Variants in BFSP2 observed in about 807,000 individuals in gnomAD.
The protein encoded by BFSP2 is beaded filament structural protein 2.
BFSP2 carries 38 observed loss-of-function variants against 44.9 expected under a neutral mutation model. That is an observed-to-expected ratio of 0.85 (90% CI 0.65 to 1.11). The LOEUF is 1.11. BFSP2 is among the 50% of genes least tolerant of loss of function. BFSP2 has a pLI of 0.00. For synonymous variants in BFSP2, 197 were observed against 209.9 expected (o/e 0.94, Z 0.53); for missense variants, 525 against 533.0 (o/e 0.99, Z 0.15).
At chr3:133,473,175 G>C (rs1375977955) in intron 6 of BFSP2, among the ~76,000 whole-genome samples, 3 of 151,896 alleles carry the variant, frequency 2.0e-5, no homozygotes, top group Non-Finnish European at 4.4e-5. Context: ...AAGCTCCCAA[G>C]TGATGACTAT....
chr3:133,436,588 A>G (rs1208284774), intron 1 of BFSP2, among the ~76,000 whole-genome samples: 8 of 152,312 alleles, frequency 5.3e-5, no homozygotes, highest in Non-Finnish European at 1.0e-4. Context: ...TGGTACTGTC[A>G]AGACAAAGCA....
chr3:133,424,905 A>C (rs1440278162), intron 1 of BFSP2, among the ~76,000 whole-genome samples: 1 of 152,198 alleles, frequency 6.6e-6, no homozygotes, highest in African/African-American at 2.4e-5. Context: ...AAAGTGCTGG[A>C]TTACAGGCGT....
chr3:133,465,005 T>G (rs1184208033), intron 4 of BFSP2, among the ~76,000 whole-genome samples: 1 of 150,616 alleles, frequency 6.6e-6, no homozygotes, highest in African/African-American at 2.4e-5. Flanking sequence ...GGGTTTCTTT[T>G]TTTTTTTTTT....
intron 1 of BFSP2, among the ~76,000 whole-genome samples, chr3:133,407,660 G>A (rs1379273202): frequency 6.6e-6 from 1 of 152,136 alleles, no homozygotes; most frequent in African/African-American, 2.4e-5. Context: ...AATTAAAATA[G>A]TTTAGCGTTG....
chr3:133,454,672 C>A (rs2073997187), intron 4 of BFSP2, among the ~76,000 whole-genome samples: 1 of 152,112 alleles, frequency 6.6e-6, no homozygotes, highest in Non-Finnish European at 1.5e-5. Context: ...ATATTTTTGC[C>A]AGCTTATTAT....
intron 1 of BFSP2, among the ~76,000 whole-genome samples, chr3:133,403,304 G>A (rs775028485): frequency 3.9e-5 from 6 of 152,118 alleles, no homozygotes; most frequent in Non-Finnish European, 8.8e-5. Context: ...CTGGTGTTCC[G>A]TGCTCCTCAC....
At position 133,424,220 on chromosome 3, in the gene BFSP2, T is replaced by TGTGTG. The variant is rs1553778827; in HGVS notation, c.490-23097_490-23096insGTGTG. Among the ~76,000 whole-genome samples the TGTGTG allele has an allele frequency of 9.1e-3, 570 of 62,830 alleles. 5 individuals carry two copies. The highest frequency in any genetic ancestry group is 0.035 in the East Asian group (55 of 1,552). 41.2% of individuals were successfully genotyped at this position (62,830 alleles called of 152,430 possible). A position where few individuals can be genotyped will look rare whatever the true frequency, so the allele number is the denominator to read the frequency against. On this transcript the variant is annotated intron_variant, in intron 1 of 6. Coordinates refer to ENST00000302334, the MANE Select transcript of BFSP2 (RefSeq NM_003571.4). ...ACCACCGCGTCCAGCTAATTTTTTTTTTTTTTTTTTTTTTTTTTTTTGTAT... is the reference window on the plus strand; with the variant it reads ...ACCACCGCGTCCAGCTAATTTTTTTTGTGTGTTTTTTTTTTTTTTTTTTTTTGTAT...
intron 1 of BFSP2, among the ~76,000 whole-genome samples, chr3:133,434,975 A>T (rs1038706418): frequency 3.3e-5 from 5 of 152,254 alleles, no homozygotes; most frequent in Non-Finnish European, 7.3e-5. Context: ...GCAGCCATTT[A>T]GTTCATCCCT....
chr3:133,427,399 C>T (rs2073663686), intron 1 of BFSP2, among the ~76,000 whole-genome samples: 1 of 152,240 alleles, frequency 6.6e-6, no homozygotes, highest in African/African-American at 2.4e-5. Context: ...TGAAGCTCAG[C>T]AGTGATAAAT....
rs567242010 is a variant in BFSP2, at chr3:133,432,101, G to A, written c.490-15216G>A. Among the ~76,000 whole-genome samples the A allele has an allele frequency of 4.6e-5, 7 of 152,070 alleles. No individual in the cohort carries two copies. The East Asian group carries it at 1.2e-3, about 25-fold the overall frequency. On this transcript the variant is annotated intron_variant, in intron 1 of 6. Transcript: ENST00000302334. ...CCTAATCACCCTTACCCCTCTCAAC[G>A]CCAATGTCCCATCCCACAGCACGCT... is the stretch of plus-strand genomic sequence containing the variant.
At chr3:133,464,761 G>A (rs2074093757) in intron 4 of BFSP2, among the ~76,000 whole-genome samples, 1 of 152,122 alleles carries the variant, frequency 6.6e-6, no homozygotes, top group Non-Finnish European at 1.5e-5. Context: ...ATATGATAAT[G>A]AGTATTATTC....
rs997622495 is a variant in BFSP2, at chr3:133,437,126, T to C, written c.490-10191T>C. 3.9e-5 allele frequency among the ~76,000 whole-genome samples: 6 copies of C among 152,270 alleles called. No homozygotes were observed. The East Asian group carries it at 5.8e-4, about 15-fold the overall frequency. On this transcript the variant is annotated intron_variant, in intron 1 of 6. Transcript: ENST00000302334. The stretch of plus-strand genomic sequence containing the variant: ...AATCCTTTGGGTATATATCCAGTAA[T>C]GGGATGGCTGGGTCAAATGGTATTT...
intron 1 of BFSP2, among the ~76,000 whole-genome samples, chr3:133,442,507 G>A (rs1439929562): frequency 6.6e-6 from 1 of 152,108 alleles, no homozygotes; most frequent in African/African-American, 2.4e-5. Flanking sequence ...ATGATTTTAA[G>A]AGTTTAAAAA....
In BFSP2 at chr3:133,472,639, C is replaced by G. The variant is rs568613029; in HGVS notation, c.1244+74C>G. ...TTTAAAAATAATTATTTTCCAAACA[C>G]TGTAGAAGTATTTAAGAAGAAATCA... On this transcript the variant is annotated intron_variant, in intron 6 of 6. Transcript: ENST00000302334. The G allele has an allele frequency of 2.6e-6, 4 of 1,523,224 alleles. No homozygotes were observed. In the African/African-American group the frequency reaches 5.5e-5, roughly 21 times the overall value. The allele number at this position is 1,523,224 out of a possible 1,614,324, so 94.4% of individuals were successfully genotyped here.
chr3:133,432,361 G>C lies in BFSP2; in HGVS notation c.490-14956G>C, dbSNP rs112754437. 8.5e-4 allele frequency among the ~76,000 whole-genome samples: 129 copies of C among 152,212 alleles called. 1 individual carries two copies. Among genetic ancestry groups the C allele is most frequent in the African/African-American group, 3.0e-3 (124 of 41,522 alleles). On this transcript the variant is annotated intron_variant, in intron 1 of 6. Coordinates refer to ENST00000302334, the MANE Select transcript of BFSP2 (RefSeq NM_003571.4). ...CTCCACAACTCACTATTCCGTTCTT[G>C]ATCTTAAAGATGCTTTTTTCACTAT...
intron 5 of BFSP2, among the ~76,000 whole-genome samples, chr3:133,472,027 C>T (rs534965647): frequency 1.3e-5 from 2 of 152,190 alleles, no homozygotes; most frequent in African/African-American, 4.8e-5. Flanking sequence ...ATCCCTATCC[C>T]TCTTGCCCCG....
intron 1 of BFSP2, among the ~76,000 whole-genome samples, chr3:133,426,009 G>A (rs923712325): frequency 1.1e-5 from 1 of 89,382 alleles, no homozygotes; most frequent in African/African-American, 4.1e-5. Context: ...GCAGGGAAAG[G>A]AAGGGAAGGG....
intron 1 of BFSP2, among the ~76,000 whole-genome samples, chr3:133,407,401 T>C (rs1163684064): frequency 6.6e-6 from 1 of 152,210 alleles, no homozygotes; most frequent in Non-Finnish European, 1.5e-5. Context: ...AGAAACACCA[T>C]GCACTCAAAT....
At chr3:133,422,718 G>A (rs2073603972) in intron 1 of BFSP2, among the ~76,000 whole-genome samples, 1 of 149,374 alleles carries the variant, frequency 6.7e-6, no homozygotes, top group African/African-American at 2.5e-5. Context: ...GGTAGCCTAT[G>A]CCCCAACATT....
Sources: gnomAD v4.1 joint callset for allele counts (sites outside exome capture counted in the v4.1 genomes callset) on GRCh38, gnomAD v4.1.1 for gene constraint, MANE v1.5 for transcripts, NCBI Gene and HGNC (gene_info 2026-07-23, HGNC 2026-07-21) for gene names.